Variants in PTPRD observed in about 807,000 individuals in gnomAD.
PTPRD encodes receptor-type tyrosine-protein phosphatase delta.
A neutral mutation model predicts 214.5 loss-of-function variants in PTPRD; 34 were observed. The observed-to-expected ratio is 0.16, with a 90% CI of 0.12 to 0.21. The LOEUF (loss-of-function observed/expected upper bound fraction) is 0.21. Ranked by LOEUF, PTPRD falls within the 10% of genes least tolerant of loss-of-function variation. PTPRD has a pLI of 1.00. For missense variants in PTPRD, 2,545 were observed against 2,398.7 expected (o/e 1.06, Z -1.27); for synonymous variants, 1,128 against 845.7 (o/e 1.33, Z -5.79).
chr9:9,196,044 G>T (rs1387298502), intron 9 of PTPRD, among the ~76,000 whole-genome samples: 1 of 152,130 alleles, frequency 6.6e-6, no homozygotes, highest in Non-Finnish European at 1.5e-5. Flanking sequence ...TAAAGATGGG[G>T]AGGCCAAGAT....
intron 27 of PTPRD, among the ~76,000 whole-genome samples, chr9:8,488,644 T>A (rs1244366942): frequency 6.6e-6 from 1 of 152,236 alleles, no homozygotes; most frequent in Non-Finnish European, 1.5e-5. Flanking sequence ...TCCACTTGCT[T>A]TTAATATATT....
intron 5 of PTPRD, among the ~76,000 whole-genome samples, chr9:9,881,023 A>G (rs1185660239): frequency 6.6e-6 from 1 of 152,190 alleles, no homozygotes; most frequent in Non-Finnish European, 1.5e-5. Context: ...CTGCATTGAA[A>G]AACATTTCTA....
intron 10 of PTPRD, among the ~76,000 whole-genome samples, chr9:9,132,100 C>T (rs913193070): frequency 2.0e-5 from 3 of 152,080 alleles, no homozygotes; most frequent in Admixed American, 6.6e-5. Flanking sequence ...CTCCGCCTCC[C>T]GGGTTCACGC....
At chr9:10,124,345 C>T (rs1314177616) in intron 3 of PTPRD, among the ~76,000 whole-genome samples, 2 of 152,088 alleles carry the variant, frequency 1.3e-5, no homozygotes, top group African/African-American at 4.8e-5. Flanking sequence ...TACTTTGTGC[C>T]ACCAAATATT....
At chr9:8,470,910 T>C in intron 31 of PTPRD, 85 bp downstream of exon 31, 1 of 1,212,016 alleles carries the variant, frequency 8.3e-7, no homozygotes, top group Non-Finnish European at 1.2e-6. Context: ...CCAGATTAGA[T>C]CCTGAAAGGC....
chr9:8,747,721 C>A (rs1038265498), intron 11 of PTPRD, among the ~76,000 whole-genome samples: 12 of 152,266 alleles, frequency 7.9e-5, no homozygotes, highest in African/African-American at 2.6e-4. Context: ...CTTTTGCCTG[C>A]AGCTAACCAA....
intron 14 of PTPRD, among the ~76,000 whole-genome samples, chr9:8,618,898 T>G (rs13295130): frequency 1.6e-4 from 19 of 117,040 alleles, no homozygotes; most frequent in South Asian, 1.1e-3. Context: ...GTGTGTGTGT[T>G]TGTCTGTGTT....
Position 10,064,081 on chromosome 9 carries a change from A to G in PTPRD, c.-544-30291T>C, listed in dbSNP as rs143438881. 4.8e-3 allele frequency among the ~76,000 whole-genome samples: 719 copies of G among 151,206 alleles called. 9 individuals are homozygous for G. Among genetic ancestry groups the G allele is most frequent in the African/African-American group, 0.016 (672 of 41,224 alleles). ...AATATCCTTCCTTTGTTCTTCATTT[A>G]TTTAGGTCTTTTTTTGTCTTCAATG... On this transcript the variant is annotated intron_variant, in intron 3 of 45. Transcript: ENST00000381196.
chr9:9,611,179 T>C (rs1457069423), intron 7 of PTPRD, among the ~76,000 whole-genome samples: 1 of 152,180 alleles, frequency 6.6e-6, no homozygotes, highest in Non-Finnish European at 1.5e-5. Context: ...AAATTATCAC[T>C]GTCATCAAAA....
intron 2 of PTPRD, among the ~76,000 whole-genome samples, chr9:10,545,952 A>T (rs1349747137): frequency 6.6e-6 from 1 of 152,164 alleles, no homozygotes; most frequent in Non-Finnish European, 1.5e-5. Context: ...TCTCATCTTC[A>T]GGAATGAATG....
In PTPRD at chr9:10,271,795, G is replaced by A. The variant is rs145228163; in HGVS notation, c.-545+69168C>T. Among the ~76,000 whole-genome samples, 852 of 151,896 alleles carry A rather than the reference G, an allele frequency of 5.6e-3. 8 individuals are homozygous for A. The highest frequency in any genetic ancestry group is 0.033 in the East Asian group (172 of 5,158). ...TGACCTCAGGTGATCCACCCACCTC[G>A]GCCTCCCAAATTTCTGGGATTACAG... On this transcript the variant is annotated intron_variant, in intron 3 of 45. Coordinates refer to ENST00000381196, the MANE Select transcript of PTPRD (RefSeq NM_002839.4).
intron 2 of PTPRD, among the ~76,000 whole-genome samples, chr9:10,472,835 T>A (rs565707271): frequency 6.6e-6 from 1 of 152,002 alleles, no homozygotes; most frequent in South Asian, 2.1e-4. Flanking sequence ...ATCATTATAA[T>A]TATAACTCAA....
At chr9:10,542,514 A>G (rs2059333350) in intron 2 of PTPRD, among the ~76,000 whole-genome samples, 1 of 152,086 alleles carries the variant, frequency 6.6e-6, no homozygotes, top group South Asian at 2.1e-4. Context: ...TATCTGATAA[A>G]ATTACTTAAA....
At chr9:9,342,785 C>T (rs1269757631) in intron 9 of PTPRD, among the ~76,000 whole-genome samples, 4 of 151,664 alleles carry the variant, frequency 2.6e-5, no homozygotes, top group Admixed American at 1.3e-4. Context: ...TAGGTATACA[C>T]GTGCCATGGT....
chr9:8,329,305 C>G (rs1375996780), intron 44 of PTPRD, among the ~76,000 whole-genome samples: 1 of 152,110 alleles, frequency 6.6e-6, no homozygotes, highest in African/African-American at 2.4e-5. Flanking sequence ...TGCTGGAGGT[C>G]TATTCCAGAC....
chr9:9,200,219 T>C lies in PTPRD; in HGVS notation c.-202-16856A>G, dbSNP rs139928623. On this transcript the variant is annotated intron_variant, in intron 9 of 45. Coordinates refer to ENST00000381196, the MANE Select transcript of PTPRD (RefSeq NM_002839.4). Reference sequence around the variant, plus strand: ...TGAAGAGGAGTTTAGAAAGCAGAAATCAGAAAATTTGAGCAAAAATCCTGA... The same window carrying C: ...TGAAGAGGAGTTTAGAAAGCAGAAACCAGAAAATTTGAGCAAAAATCCTGA... 2.0e-3 allele frequency among the ~76,000 whole-genome samples: 308 copies of C among 152,302 alleles called. 2 individuals carry two copies. Among genetic ancestry groups the C allele is most frequent in the African/African-American group, 6.8e-3 (284 of 41,554 alleles).
intron 11 of PTPRD, among the ~76,000 whole-genome samples, chr9:8,827,746 A>G (rs1379605758): frequency 6.6e-6 from 1 of 152,156 alleles, no homozygotes; most frequent in Non-Finnish European, 1.5e-5. Flanking sequence ...ATGTCTCATC[A>G]CTCAAAGATT....
At chr9:9,998,243 G>A (rs946577863) in intron 4 of PTPRD, among the ~76,000 whole-genome samples, 1 of 150,988 alleles carries the variant, frequency 6.6e-6, no homozygotes, top group African/African-American at 2.4e-5. Flanking sequence ...ACTGCCCTCG[G>A]AGGTGGAGGT....
At chr9:8,607,473 T>C (rs1268618970) in intron 14 of PTPRD, among the ~76,000 whole-genome samples, 1 of 151,988 alleles carries the variant, frequency 6.6e-6, no homozygotes, top group Non-Finnish European at 1.5e-5. Context: ...TGAAACCCCG[T>C]CTCTACAAAA....
Sources: allele counts gnomAD v4.1 joint callset (sites outside exome capture counted in the v4.1 genomes callset), GRCh38; gene constraint gnomAD v4.1.1; transcripts MANE v1.5; gene names NCBI Gene and HGNC (gene_info 2026-07-23, HGNC 2026-07-21).